The following SNX29 variants were observed in gnomAD, a reference collection of about 807,000 sequenced individuals.
SNX29 encodes the protein sorting nexin 29.
In SNX29, 78 loss-of-function variants were observed where a neutral mutation model predicts 102.1. The observed-to-expected ratio is 0.76, with a 90% CI of 0.64 to 0.92. The LOEUF is 0.92. Ranked by LOEUF, SNX29 falls within the 40% of genes least tolerant of loss-of-function variation. The probability of loss-of-function intolerance (pLI) is 0.00; values close to 1 mark genes in which losing one functional copy is unlikely to be tolerated. For missense variants in SNX29, 1,280 were observed against 1,061.7 expected, an observed-to-expected ratio of 1.21 and a Z score of -2.86; for synonymous variants, 580 against 414.5, an observed-to-expected ratio of 1.40 and a Z score of -4.85.
chr16:11,983,776 GAT>G, intron 1 of SNX29: 1 of 870,450 alleles, frequency 1.1e-6, no homozygotes, highest in Non-Finnish European at 1.4e-6. Flanking sequence ...AGATTTTATA[GAT>G]TTCTCCAAAT....
At chr16:12,277,882 T>A in intron 14 of SNX29, 51 bp from the exon 15 acceptor site, 11 of 1,500,602 alleles carry the variant, frequency 7.3e-6, no homozygotes, top group Non-Finnish European at 1.0e-5. Flanking sequence ...ACTGGGAGAA[T>A]AATTTTCGAT....
At chr16:12,049,337 T>A (rs74827754) in intron 7 of SNX29, among the ~76,000 whole-genome samples, 4 of 151,450 alleles carry the variant, frequency 2.6e-5, no homozygotes, top group African/African-American at 2.4e-5. Context: ...TTTTAACTTT[T>A]TTTTTTTTTT....
At position 12,363,012 on chromosome 16, in the gene SNX29, C is replaced by G. The variant is rs116780893; in HGVS notation, c.1899+6733C>G. On this transcript the variant is annotated intron_variant, in intron 16 of 20. Coordinates refer to ENST00000566228, the MANE Select transcript of SNX29 (RefSeq NM_032167.5). Reference sequence around the variant, plus strand: ...TCCTCTGTGCCATGCTCCCTCTGCCCAAGTCTGATGCCCTGCAGGACAGAG... The same window carrying G: ...TCCTCTGTGCCATGCTCCCTCTGCCGAAGTCTGATGCCCTGCAGGACAGAG... 3.0e-3 allele frequency among the ~76,000 whole-genome samples: 464 copies of G among 152,290 alleles called. 3 individuals carry two copies. Among genetic ancestry groups the G allele is most frequent in the African/African-American group, 0.011 (445 of 41,584 alleles).
At chr16:12,450,169 A>G (rs921111275) in intron 18 of SNX29, among the ~76,000 whole-genome samples, 38 of 152,202 alleles carry the variant, frequency 2.5e-4, no homozygotes, top group African/African-American at 9.2e-4. Context: ...TAGAACTGTG[A>G]GTCCATTAAA....
At chr16:12,408,752 G>A (rs578212270) in intron 18 of SNX29, among the ~76,000 whole-genome samples, 25 of 152,304 alleles carry the variant, frequency 1.6e-4, no homozygotes, top group Non-Finnish European at 2.8e-4. Context: ...CCTGGGAGGC[G>A]GAGGTTGCAG....
At chr16:12,500,797 C>G (rs2089083015) in intron 19 of SNX29, among the ~76,000 whole-genome samples, 1 of 152,214 alleles carries the variant, frequency 6.6e-6, no homozygotes, top group Non-Finnish European at 1.5e-5. Context: ...CATACACAAG[C>G]AAGTTTGAGA....
At chr16:12,566,705 C>T (rs1440944183) in intron 20 of SNX29, among the ~76,000 whole-genome samples, 2 of 137,432 alleles carry the variant, frequency 1.5e-5, no homozygotes, top group East Asian at 4.1e-4. Flanking sequence ...GTGGGGTCCC[C>T]CATCCTTTGA....
intron 15 of SNX29, among the ~76,000 whole-genome samples, chr16:12,314,543 G>A (rs924714655): frequency 6.6e-6 from 1 of 152,188 alleles, no homozygotes; most frequent in Non-Finnish European, 1.5e-5. Context: ...TTGTTGTGAG[G>A]ACTAAATGAG....
chr16:12,093,265 A>G (rs746467414), intron 11 of SNX29, among the ~76,000 whole-genome samples: 7 of 152,180 alleles, frequency 4.6e-5, no homozygotes, highest in African/African-American at 1.4e-4. Flanking sequence ...TTGAGAAGCA[A>G]TGTGTTGGGA....
rs117247269 is a variant in SNX29 at position 12,547,153 on chromosome 16, C to G, written c.2319-21353C>G. Among the ~76,000 whole-genome samples, 109 of 152,294 alleles carry G rather than the reference C, an allele frequency of 7.2e-4. No homozygotes were observed. In the East Asian group the frequency reaches 0.017, roughly 24 times the overall value. On this transcript the variant is annotated intron_variant, in intron 20 of 20. Coordinates refer to ENST00000566228, the MANE Select transcript of SNX29 (RefSeq NM_032167.5). ...GTCATCACAGAGGGAAAGAAGCCTG[C>G]TGGGGATGTGCTGTTTATGGTCTAG...
At chr16:12,529,798 C>T (rs375174504) in intron 20 of SNX29, among the ~76,000 whole-genome samples, 27 of 152,322 alleles carry the variant, frequency 1.8e-4, no homozygotes, top group African/African-American at 6.5e-4. Flanking sequence ...ATGCCACACC[C>T]TGACCTGTGC....
intron 13 of SNX29, among the ~76,000 whole-genome samples, chr16:12,134,461 G>A (rs1209273002): frequency 2.0e-5 from 3 of 152,188 alleles, no homozygotes; most frequent in Non-Finnish European, 4.4e-5. Context: ...GGGTCCACTT[G>A]CAAGCTTCAT....
chr16:12,420,485 G>T (rs539771227), intron 18 of SNX29, among the ~76,000 whole-genome samples: 1 of 152,276 alleles, frequency 6.6e-6, no homozygotes, highest in South Asian at 2.1e-4. Flanking sequence ...TCAAACCTCT[G>T]CAGTGAGGCA....
chr16:12,453,382 C>G (rs1410096805), intron 18 of SNX29, among the ~76,000 whole-genome samples: 1 of 152,232 alleles, frequency 6.6e-6, no homozygotes, highest in Non-Finnish European at 1.5e-5. Flanking sequence ...GCTGGAAATC[C>G]TTACTGGCGG....
chr16:12,431,179 A>C (rs1229689926), intron 18 of SNX29, among the ~76,000 whole-genome samples: 1 of 151,874 alleles, frequency 6.6e-6, no homozygotes, highest in Non-Finnish European at 1.5e-5. Context: ...TGGAGTTGGG[A>C]GTGAGTGGGG....
At chr16:12,247,180 T>C (rs1157274096) in intron 14 of SNX29, among the ~76,000 whole-genome samples, 3 of 152,126 alleles carry the variant, frequency 2.0e-5, no homozygotes, top group Non-Finnish European at 2.9e-5. Flanking sequence ...CAGAGGCCGG[T>C]ATGGGGTGAC....
At chr16:12,486,414 C>A (rs11863513) in intron 19 of SNX29, among the ~76,000 whole-genome samples, 1 of 151,240 alleles carries the variant, frequency 6.6e-6, no homozygotes. Flanking sequence ...TCCTGCCTAC[C>A]GTACACCTCT....
Position 12,571,690 on chromosome 16 carries a change from G to A in SNX29, c.*3061G>A. ...GCTGGGCAGAGGTGTCTCTCCTTGA[G>A]AGACAACAAAAGCTTCTAAGGGAGG... On this transcript the variant is annotated 3_prime_UTR_variant, in exon 21 of 21. Coordinates refer to ENST00000566228, the MANE Select transcript of SNX29 (RefSeq NM_032167.5). 1.9e-6 allele frequency: 2 copies of A among 1,052,438 alleles called. No individual in the cohort carries two copies. Among genetic ancestry groups the A allele is most frequent in the Non-Finnish European group, 2.3e-6 (2 of 874,998 alleles). 65.2% of individuals were successfully genotyped at this position (1,052,438 alleles called of 1,614,324 possible).
chr16:12,475,250 C>G (rs973317398), intron 18 of SNX29, among the ~76,000 whole-genome samples: 39 of 152,254 alleles, frequency 2.6e-4, no homozygotes, highest in African/African-American at 8.9e-4. Context: ...TGGTTGCATT[C>G]GGGATTCCTG....
Sources: allele counts gnomAD v4.1 joint callset (sites outside exome capture counted in the v4.1 genomes callset), GRCh38; gene constraint gnomAD v4.1.1; transcripts MANE v1.5; gene names NCBI Gene and HGNC (gene_info 2026-07-23, HGNC 2026-07-21).